ANK3: variants seen among roughly 807,000 people sequenced by gnomAD.
ANK3 encodes ankyrin-3.
ANK3 carries 57 observed loss-of-function variants against 370.9 expected under a neutral mutation model. The observed-to-expected ratio is 0.15, with a 90% CI of 0.12 to 0.19. The LOEUF is 0.19. ANK3 is among the 10% of genes least tolerant of loss of function. The pLI is 1.00. For missense variants in ANK3, 4,439 were observed against 5,302.1 expected, an observed-to-expected ratio of 0.84 and a Z score of 5.06; for synonymous variants, 1,929 against 1,946.3, an observed-to-expected ratio of 0.99 and a Z score of 0.23.
chr10:60,607,415 TA>T lies in ANK3; in HGVS notation c.96+7770del, dbSNP rs961027523. Among the ~76,000 whole-genome samples the T allele has an allele frequency of 5.3e-5, 8 of 149,672 alleles. No individual in the cohort carries two copies. The East Asian group carries it at 5.9e-4, about 11-fold the overall frequency. ...CCACATACTGCCTCCCTTTCTAATA[TA>T]AAAAAAAAATTACTAACGGAGGCTG... On this transcript the variant is annotated intron_variant, in intron 2 of 43. Transcript: ENST00000373827.
At chr10:60,609,091 G>A (rs914347975) in intron 2 of ANK3, among the ~76,000 whole-genome samples, 4 of 152,294 alleles carry the variant, frequency 2.6e-5, no homozygotes, top group African/African-American at 9.6e-5. Context: ...TATAGTAGTG[G>A]TGGTGATCAT....
At chr10:60,473,381 C>T (rs77897278) in intron 2 of ANK3, among the ~76,000 whole-genome samples, 3,997 of 152,190 alleles carry the variant, frequency 0.026, 68 homozygotes, top group Non-Finnish European at 0.039. Flanking sequence ...AAATCTATTT[C>T]CTAATGCTTC....
intron 2 of ANK3, among the ~76,000 whole-genome samples, chr10:60,410,563 A>G (rs1203498368): frequency 6.6e-6 from 1 of 152,196 alleles, no homozygotes; most frequent in Non-Finnish European, 1.5e-5. Flanking sequence ...TATTTTTCAA[A>G]CAATTTTCAT....
chr10:60,460,291 C>T (rs2064850732), intron 2 of ANK3, among the ~76,000 whole-genome samples: 2 of 152,124 alleles, frequency 1.3e-5, no homozygotes, highest in South Asian at 4.1e-4. Flanking sequence ...TACAATGACT[C>T]AGCTGATGAA....
intron 2 of ANK3, among the ~76,000 whole-genome samples, chr10:60,425,944 C>G (rs367666852): frequency 3.9e-5 from 6 of 152,070 alleles, no homozygotes; most frequent in African/African-American, 1.4e-4. Context: ...TCAGTTTTCT[C>G]ATCTGTTAAA....
chr10:60,296,894 C>T (rs897620816), intron 1 of ANK3, among the ~76,000 whole-genome samples: 4 of 152,128 alleles, frequency 2.6e-5, no homozygotes, highest in Admixed American at 6.6e-5. Context: ...GTGGGAGGAT[C>T]GCTTGAACCT....
At chr10:60,265,179 T>C (rs1341243545) in intron 5 of ANK3, among the ~76,000 whole-genome samples, 1 of 152,114 alleles carries the variant, frequency 6.6e-6, no homozygotes, top group East Asian at 1.9e-4. Flanking sequence ...GTTAATCAAG[T>C]TGTGCAATAA....
intron 1 of ANK3, among the ~76,000 whole-genome samples, chr10:60,648,123 G>A (rs996723001): frequency 6.7e-6 from 1 of 149,600 alleles, no homozygotes; most frequent in Non-Finnish European, 1.5e-5. Context: ...GGGATTACAG[G>A]CGTGAGCCAC....
intron 2 of ANK3, among the ~76,000 whole-genome samples, chr10:60,465,294 AAG>A (rs2064984239): frequency 1.3e-5 from 2 of 152,066 alleles, no homozygotes; most frequent in Non-Finnish European, 2.9e-5. Flanking sequence ...CAGAAAATAA[AAG>A]AGAGAGAAGT....
chr10:60,206,254 C>T (rs568547677), intron 10 of ANK3, among the ~76,000 whole-genome samples: 1 of 152,246 alleles, frequency 6.6e-6, no homozygotes, highest in East Asian at 1.9e-4. Context: ...GGGTGGATCA[C>T]CTGAGGTCAG....
At chr10:60,392,654 C>T (rs186177548), upstream of ANK3, among the ~76,000 whole-genome samples, 4 of 152,266 alleles carry the variant, frequency 2.6e-5, no homozygotes, top group East Asian at 1.9e-4. Flanking sequence ...GTATGCCGGG[C>T]GCGGTGGCTC....
intron 1 of ANK3, among the ~76,000 whole-genome samples, chr10:60,619,129 C>G (rs2078302265): frequency 1.3e-5 from 2 of 152,166 alleles, no homozygotes; most frequent in Admixed American, 6.6e-5. Context: ...GATCCTGCCC[C>G]TCCCAAACCT....
chr10:60,414,836 C>T lies in ANK3; in HGVS notation c.97-135197G>A, dbSNP rs186680885. Among the ~76,000 whole-genome samples the T allele has an allele frequency of 1.5e-3, 228 of 152,290 alleles. 1 individual carries two copies. Among genetic ancestry groups the T allele is most frequent in the Admixed American group, 2.6e-3 (39 of 15,294 alleles). ...GAGCAGCATTTGCCAAAGCAGTAGC[C>T]TTAGCGTTCTCACCTTCAGACTGTA... On this transcript the variant is annotated intron_variant, in intron 2 of 43. Coordinates refer to the ANK3 transcript ENST00000373827.
intron 4 of ANK3, among the ~76,000 whole-genome samples, chr10:60,272,897 C>T (rs2098022296): frequency 6.6e-6 from 1 of 152,030 alleles, no homozygotes; most frequent in Non-Finnish European, 1.5e-5. Flanking sequence ...CTGCTGTGGC[C>T]CAAGATTGCC....
chr10:60,401,912 G>A (rs1200387590), intron 2 of ANK3, among the ~76,000 whole-genome samples: 3 of 152,210 alleles, frequency 2.0e-5, no homozygotes, highest in African/African-American at 7.2e-5. Flanking sequence ...TTAACGGCTA[G>A]GCTAAAATAT....
intron 1 of ANK3, among the ~76,000 whole-genome samples, chr10:60,640,360 C>A (rs2133349790): frequency 6.7e-6 from 1 of 148,628 alleles, no homozygotes; most frequent in African/African-American, 2.5e-5. Flanking sequence ...GACCAATATC[C>A]TTGATGAACA....
chr10:60,538,071 G>A lies in ANK3; in HGVS notation c.96+77115C>T, dbSNP rs369387172. ...TTTCCCTCTAAGCAAGGCAACTGTG[G>A]TTATACTTAATTTTGTGTTATTCCA... On this transcript the variant is annotated intron_variant, in intron 2 of 43. Transcript: ENST00000373827. 3.9e-5 allele frequency among the ~76,000 whole-genome samples: 6 copies of A among 151,944 alleles called. No homozygotes were observed. In the East Asian group the frequency reaches 7.7e-4, roughly 20 times the overall value.
At position 60,583,522 on chromosome 10, in the gene ANK3, TTTG is replaced by T. The variant is rs1454688122; in HGVS notation, c.96+31661_96+31663del. On this transcript the variant is annotated intron_variant, in intron 2 of 43. Transcript: ENST00000373827. ...CAGAGAGGTTTTTTGTTTTTTGTTT[TTTG>T]TTTTTTTTTGAGGTGGAATCTCGTT... is the stretch of plus-strand genomic sequence containing the variant. Among the ~76,000 whole-genome samples the T allele has an allele frequency of 3.3e-3, 426 of 127,630 alleles. 41 individuals carry two copies. The highest frequency in any genetic ancestry group is 9.7e-3 in the African/African-American group (353 of 36,224). 83.7% of individuals were successfully genotyped at this position (127,630 alleles called of 152,430 possible). A position where few individuals can be genotyped will look rare whatever the true frequency, so the allele number is the denominator to read the frequency against.
intron 2 of ANK3, among the ~76,000 whole-genome samples, chr10:60,529,996 C>A (rs2076566902): frequency 6.6e-6 from 1 of 152,128 alleles, no homozygotes; most frequent in Admixed American, 6.6e-5. Context: ...CCCCATCCCA[C>A]CCCCTGCTTT....
Sources: allele counts gnomAD v4.1 joint callset (sites outside exome capture counted in the v4.1 genomes callset), GRCh38; gene constraint gnomAD v4.1.1; transcripts MANE v1.5; gene names NCBI Gene and HGNC (gene_info 2026-07-23, HGNC 2026-07-21).